Variants in PGBD5 observed in about 807,000 individuals in gnomAD.
PGBD5 encodes piggyBac transposable element-derived protein 5.
In PGBD5, 14 loss-of-function variants were observed where a neutral mutation model predicts 47.9. That is an observed-to-expected ratio of 0.29 (90% CI 0.19 to 0.46). The LOEUF (loss-of-function observed/expected upper bound fraction) is 0.46, where lower values mean the gene tolerates loss of function less well. Ranked by LOEUF, PGBD5 falls within the 20% of genes least tolerant of loss-of-function variation. PGBD5 has a pLI of 1.00. For synonymous variants in PGBD5, 316 were observed against 306.3 expected (o/e 1.03, Z -0.33); for missense variants, 635 against 716.0 (o/e 0.89, Z 1.29).
intron 1 of PGBD5, among the ~76,000 whole-genome samples, chr1:230,389,152 C>T (rs183346822): frequency 6.6e-6 from 1 of 151,858 alleles, no homozygotes; most frequent in South Asian, 2.1e-4. Flanking sequence ...GGAGGTTCTA[C>T]GCAAGTGATG....
chr1:230,400,082 T>C (rs1333201783), intron 1 of PGBD5, among the ~76,000 whole-genome samples: 1 of 152,204 alleles, frequency 6.6e-6, no homozygotes, highest in East Asian at 1.9e-4. Context: ...TCCCACAGCC[T>C]GCAAGGCCCT....
intron 1 of PGBD5, among the ~76,000 whole-genome samples, chr1:230,402,371 A>G: frequency 6.6e-6 from 1 of 152,248 alleles, no homozygotes; most frequent in East Asian, 1.9e-4. Context: ...ATAGAAAGTG[A>G]GAAGCTATCT....
chr1:230,337,191 C>T lies in PGBD5; in HGVS notation c.992G>A (p.Arg331Gln), dbSNP rs377657873. ...LHSMVARSLC[R>Q]NAAGKNYIIF... Reference sequence around the variant, plus strand: ...GATGTAGTTCTTGCCTGCCGCGTTCCGGCACAGGCTCCTGGCCACCATGCT... The same window carrying T: ...GATGTAGTTCTTGCCTGCCGCGTTCTGGCACAGGCTCCTGGCCACCATGCT... The change falls in exon 4 of 7, where the codon CGG becomes CAG. Residue 331 changes from arginine to glutamine, a missense_variant. By Grantham distance (43) the Arg-to-Gln change is conservative. Coordinates refer to ENST00000391860, the MANE Select transcript of PGBD5 (RefSeq NM_001258311.2). The T allele has an allele frequency of 3.7e-5, 59 of 1,614,094 alleles. No individual in the cohort carries two copies. Among genetic ancestry groups the T allele is most frequent in the South Asian group, 8.8e-5 (8 of 91,078 alleles).
intron 1 of PGBD5, among the ~76,000 whole-genome samples, chr1:230,390,973 C>T (rs1656768476): frequency 6.6e-6 from 1 of 152,122 alleles, no homozygotes; most frequent in Non-Finnish European, 1.5e-5. Context: ...CTCCTGAGCT[C>T]AAGTGATCTG....
Position 230,316,853 on chromosome 1 carries a change from C to G in PGBD5, c.*6572G>C, listed in dbSNP as rs923868435. 1.1e-4 allele frequency: 16 copies of G among 152,242 alleles called. No individual in the cohort carries two copies. Among genetic ancestry groups the G allele is most frequent in the African/African-American group, 3.9e-4 (16 of 41,464 alleles). The allele number at this position is 152,242 out of a possible 1,614,324, so 9.4% of individuals were successfully genotyped here. On this transcript the variant is annotated 3_prime_UTR_variant, in exon 7 of 7. Transcript: ENST00000391860. ...GGCTTGGGCATGACCTCTCGGATAG[C>G]TGGGAACACCGTCCCTGCTCATGTT...
At chr1:230,398,186 T>A (rs1657047158) in intron 1 of PGBD5, among the ~76,000 whole-genome samples, 1 of 152,198 alleles carries the variant, frequency 6.6e-6, no homozygotes, top group Non-Finnish European at 1.5e-5. Context: ...CGTCTCATCT[T>A]GTAGGATGGT....
At chr1:230,373,370 C>A (rs568668446) in intron 1 of PGBD5, among the ~76,000 whole-genome samples, 1 of 152,118 alleles carries the variant, frequency 6.6e-6, no homozygotes, top group South Asian at 2.1e-4. Flanking sequence ...TAGCTGCCTG[C>A]GCATGCTGTT....
At chr1:230,337,033 C>A in intron 4 of PGBD5, 75 bp downstream of exon 4, 1 of 1,519,284 alleles carries the variant, frequency 6.6e-7, no homozygotes, top group South Asian at 1.3e-5. Context: ...GTATCTGCAC[C>A]CCCACCTGGA....
chr1:230,345,524 G>A (rs556438216), intron 3 of PGBD5, among the ~76,000 whole-genome samples: 1 of 152,368 alleles, frequency 6.6e-6, no homozygotes, highest in African/African-American at 2.4e-5. Flanking sequence ...GTATTCTGGG[G>A]TCTAGGTTAG....
intron 3 of PGBD5, among the ~76,000 whole-genome samples, chr1:230,348,985 G>A (rs138392978): frequency 3.9e-5 from 6 of 152,302 alleles, no homozygotes; most frequent in African/African-American, 9.6e-5. Flanking sequence ...AAACTTTCAC[G>A]CTGCTGCAAA....
chr1:230,362,660 C>G (rs6671405), intron 1 of PGBD5, among the ~76,000 whole-genome samples: 19,617 of 152,106 alleles, frequency 0.13, 2,484 homozygotes, highest in African/African-American at 0.33. Flanking sequence ...GTCTCCCGAC[C>G]CCAGCTAAAG....
intron 1 of PGBD5, among the ~76,000 whole-genome samples, chr1:230,391,310 G>A (rs1355057024): frequency 2.0e-5 from 3 of 152,188 alleles, no homozygotes; most frequent in Non-Finnish European, 4.4e-5. Context: ...GAAAGATTCA[G>A]AAATTGCGCA....
chr1:230,419,210 T>C (rs1438408974), intron 1 of PGBD5, among the ~76,000 whole-genome samples: 2 of 118,408 alleles, frequency 1.7e-5, no homozygotes, highest in South Asian at 2.3e-4. Flanking sequence ...ACATACACCA[T>C]GGAACACCAC....
chr1:230,355,598 T>C (rs1191896481), intron 2 of PGBD5, among the ~76,000 whole-genome samples: 1 of 152,200 alleles, frequency 6.6e-6, no homozygotes, highest in Non-Finnish European at 1.5e-5. Context: ...AGAGCTCATG[T>C]CCTCGAAAGT....
chr1:230,352,359 C>T (rs778946945), intron 2 of PGBD5, among the ~76,000 whole-genome samples: 5 of 152,040 alleles, frequency 3.3e-5, no homozygotes, highest in South Asian at 2.1e-4. Context: ...TCTGTGAGGC[C>T]GGGTCTGAGA....
chr1:230,393,044 G>A (rs270858), intron 1 of PGBD5, among the ~76,000 whole-genome samples: 11,895 of 149,306 alleles, frequency 0.08, 722 homozygotes, highest in Non-Finnish European at 0.12. Flanking sequence ...AGAAAGGAAG[G>A]AAAAGAGGAG....
intron 5 of PGBD5, among the ~76,000 whole-genome samples, chr1:230,326,213 T>C (rs1667115141): frequency 6.6e-6 from 1 of 152,120 alleles, no homozygotes. Context: ...AGGTCAGTAG[T>C]TTGAGATTAG....
In PGBD5 at chr1:230,424,280, A is replaced by G. The variant is rs142321034; in HGVS notation, c.331+1318T>C. ...GACATCCTGGAAAATATAGGACAGT[A>G]TAAAAGGACTATAGAGAGTCAATGA... On this transcript the variant is annotated intron_variant, in intron 1 of 6. Coordinates refer to ENST00000391860, the MANE Select transcript of PGBD5 (RefSeq NM_001258311.2). Among the ~76,000 whole-genome samples, 40 of 152,370 alleles carry G rather than the reference A, an allele frequency of 2.6e-4. 1 individual carries two copies. In the East Asian group the frequency reaches 7.5e-3, roughly 29 times the overall value.
intron 1 of PGBD5, among the ~76,000 whole-genome samples, chr1:230,372,589 A>G (rs1419324205): frequency 3.3e-5 from 5 of 152,228 alleles, no homozygotes; most frequent in African/African-American, 1.2e-4. Flanking sequence ...AAACCCTCCA[A>G]CTGATGTGGA....
Sources: gnomAD v4.1 joint callset for allele counts (sites outside exome capture counted in the v4.1 genomes callset) on GRCh38, gnomAD v4.1.1 for gene constraint, MANE v1.5 for transcripts, NCBI Gene and HGNC (gene_info 2026-07-23, HGNC 2026-07-21) for gene names.